Variants in RANGAP1 observed in about 807,000 individuals in gnomAD.
The protein encoded by RANGAP1 is Ran GTPase activating protein 1, also known as ran GTPase-activating protein 1.
RANGAP1 carries 38 observed loss-of-function variants against 63.5 expected under a neutral mutation model. The observed-to-expected ratio is 0.60, with a 90% CI of 0.46 to 0.78. The LOEUF is 0.78. RANGAP1 is among the 30% of genes least tolerant of loss of function. RANGAP1 has a pLI of 0.00. For synonymous variants in RANGAP1, 329 were observed against 310.5 expected, an observed-to-expected ratio of 1.06 and a Z score of -0.63; for missense variants, 630 against 740.3, an observed-to-expected ratio of 0.85 and a Z score of 1.73.
In RANGAP1 at chr22:41,257,012, C is replaced by A. The variant is rs2033883791; in HGVS notation, c.775-188G>T. Among the ~76,000 whole-genome samples the A allele has an allele frequency of 6.6e-6, 1 of 151,998 alleles. No homozygotes were observed. The highest frequency in any genetic ancestry group is 2.1e-4 in the South Asian group (1 of 4,820). ...CCCTGGCCAAACCTCCTCCACCCCTCCCCATGTTACGGCCAGAACTCTTCC... is the reference window on the plus strand; with the variant it reads ...CCCTGGCCAAACCTCCTCCACCCCTACCCATGTTACGGCCAGAACTCTTCC... On this transcript the variant is annotated intron_variant, in intron 7 of 15. Transcript: ENST00000356244. The surrounding 1 kb of genome is among the most constrained non-coding windows in gnomAD (Gnocchi z 4.0).
At chr22:41,294,342 G>A in the RANGAP1 span, among the ~76,000 whole-genome samples, 3 of 152,048 alleles carry the variant, frequency 2.0e-5, no homozygotes, top group Admixed American at 1.3e-4. Flanking sequence ...ACGGAGTCTC[G>A]TTCACTCAGT....
In RANGAP1 at chr22:41,284,496, G is replaced by A. The variant is rs542121452; in HGVS notation, c.-39+1490C>T. On this transcript the variant is annotated intron_variant, in intron 1 of 15. Transcript: ENST00000356244. Reference sequence around the variant, plus strand: ...GCAGGAGAATCGCTTGAATCTGGGAGGCAGATGTTGGGGTGAGCTGAGATC... The same window carrying A: ...GCAGGAGAATCGCTTGAATCTGGGAAGCAGATGTTGGGGTGAGCTGAGATC... 8.5e-5 allele frequency among the ~76,000 whole-genome samples: 13 copies of A among 152,236 alleles called. No homozygotes were observed. The South Asian group carries it at 2.1e-3, about 24-fold the overall frequency.
chr22:41,292,804 C>CT, the RANGAP1 span, among the ~76,000 whole-genome samples: 1 of 149,882 alleles, frequency 6.7e-6, no homozygotes. Flanking sequence ...TTTTTTTTTT[C>CT]TTTTTTAATG....
intron 6 of RANGAP1, 114 bp downstream of exon 6, chr22:41,261,332 C>T (rs972821911): frequency 3.2e-5 from 48 of 1,479,324 alleles, no homozygotes; most frequent in Non-Finnish European, 3.6e-5. Context: ...GGGCACGTGA[C>T]GCCCCAGGTC....
At chr22:41,268,225 T>C in intron 3 of RANGAP1, 69 bp from the exon 4 acceptor site, 3 of 1,294,124 alleles carry the variant, frequency 2.3e-6, no homozygotes, top group Non-Finnish European at 3.3e-6. Flanking sequence ...AGCCTCATCC[T>C]GGTGGATTTG....
chr22:41,267,708 C>T (rs1356600137), intron 4 of RANGAP1, among the ~76,000 whole-genome samples: 1 of 152,138 alleles, frequency 6.6e-6, no homozygotes, highest in Non-Finnish European at 1.5e-5. Context: ...GGGACGGCTA[C>T]ATGGGCTGTG....
chr22:41,290,101 G>A (rs749242084), upstream of RANGAP1, among the ~76,000 whole-genome samples: 1 of 149,982 alleles, frequency 6.7e-6, no homozygotes, highest in Non-Finnish European at 1.5e-5. Context: ...CCATGGTCAG[G>A]CCACTGCACT....
chr22:41,296,713 T>C, the RANGAP1 span, among the ~76,000 whole-genome samples: 1 of 151,132 alleles, frequency 6.6e-6, no homozygotes, highest in East Asian at 1.9e-4. Context: ...GTCCTTGCAG[T>C]GACCCTATAT....
chr22:41,273,422 T>C (rs2034949651), intron 3 of RANGAP1, among the ~76,000 whole-genome samples: 1 of 152,178 alleles, frequency 6.6e-6, no homozygotes, highest in Non-Finnish European at 1.5e-5. Flanking sequence ...TAGAATAACC[T>C]GACTTGCCCT....
rs375319250 is a variant in RANGAP1 at position 41,264,539 on chromosome 22, G to A, written c.480+125C>T. 542 of 1,235,622 alleles carry A rather than the reference G, an allele frequency of 4.4e-4. 9 individuals carry two copies. In the Middle Eastern group the frequency reaches 0.013, roughly 29 times the overall value. The allele number at this position is 1,235,622 out of a possible 1,614,324, so 76.5% of individuals were successfully genotyped here. On this transcript the variant is annotated intron_variant, in intron 5 of 15. Coordinates refer to ENST00000356244, the MANE Select transcript of RANGAP1 (RefSeq NM_002883.4). ...TCCGGCCACAGGCTGTTGCCTTTGA[G>A]GCCTTTCTCTTTTGAAAACAACGGC...
intron 2 of RANGAP1, among the ~76,000 whole-genome samples, 170 bp from the exon 3 acceptor site, chr22:41,274,897 T>G (rs2048113905): frequency 6.6e-6 from 1 of 152,094 alleles, no homozygotes; most frequent in Non-Finnish European, 1.5e-5. Context: ...TACAGAGCTA[T>G]GCAGATGATT....
At position 41,246,663 on chromosome 22, in the gene RANGAP1, GC is replaced by G. The variant is rs2033054961; in HGVS notation, c.1703del (p.Ser568ThrfsTer42). ...LLLAFVTKPN[S>X]ALESCSFARH... Reference sequence around the variant, plus strand: ...GGGCGAAGGAGCAGGATTCCAGGGCGCTGTTGGGCCTGCGGGGAAAGAGGGG... The same window carrying G: ...GGGCGAAGGAGCAGGATTCCAGGGCGTGTTGGGCCTGCGGGGAAAGAGGGG... On this transcript the variant is annotated frameshift_variant, in exon 16 of 16. Coordinates refer to ENST00000356244, the MANE Select transcript of RANGAP1 (RefSeq NM_002883.4). LOFTEE classifies it high-confidence loss of function. 6.4e-7 allele frequency: 1 copy of G among 1,563,190 alleles called. No individual in the cohort carries two copies. The highest frequency in any genetic ancestry group is 1.2e-5 in the South Asian group (1 of 84,868).
rs9623359 is a variant in RANGAP1 at position 41,251,213 on chromosome 22, G to A, written c.1381-104C>T. The A allele has an allele frequency of 0.012, 9,737 of 839,672 alleles. 637 individuals carry two copies. In the African/African-American group the frequency reaches 0.14, roughly 12 times the overall value. 52.0% of individuals were successfully genotyped at this position (839,672 alleles called of 1,614,324 possible). A position where few individuals can be genotyped will look rare whatever the true frequency, so the allele number is the denominator to read the frequency against. ...CCTGGGCAGTACAAAGGCCCCTGGCGGGCAAGAACAGGTCCTGCCTTACCC... is the reference window on the plus strand; with the variant it reads ...CCTGGGCAGTACAAAGGCCCCTGGCAGGCAAGAACAGGTCCTGCCTTACCC... On this transcript the variant is annotated intron_variant, in intron 12 of 15. Coordinates refer to ENST00000356244, the MANE Select transcript of RANGAP1 (RefSeq NM_002883.4).
intron 3 of RANGAP1, among the ~76,000 whole-genome samples, chr22:41,272,958 G>A (rs1025349819): frequency 6.6e-6 from 1 of 152,080 alleles, no homozygotes; most frequent in Non-Finnish European, 1.5e-5. Flanking sequence ...GACCATAGGT[G>A]CACACCACCA....
At chr22:41,252,762 C>A (rs752640575) in intron 12 of RANGAP1, 110 bp downstream of exon 12, 4 of 1,281,050 alleles carry the variant, frequency 3.1e-6, no homozygotes, top group African/African-American at 1.6e-5. Flanking sequence ...GCCTCCCTGC[C>A]CCCAGCTGAC....
chr22:41,283,520 T>C (rs78158123), intron 1 of RANGAP1, among the ~76,000 whole-genome samples: 6,433 of 151,196 alleles, frequency 0.043, 182 homozygotes, highest in Non-Finnish European at 0.064. Flanking sequence ...AACAAACAAA[T>C]AACAACAACA....
Position 41,257,374 on chromosome 22 carries a change from G to A in RANGAP1, c.775-550C>T, listed in dbSNP as rs920873355. ...AGCTTCCTTCCCTCCTTGAGCTAGG[G>A]TCTCCCTGAAGGCGGGGTCTTTGGC... On this transcript the variant is annotated intron_variant, in intron 7 of 15. Coordinates refer to ENST00000356244, the MANE Select transcript of RANGAP1 (RefSeq NM_002883.4). This position sits in a 1 kb window ranked among gnomAD's most constrained non-coding sequence, Gnocchi z 4.0. Among the ~76,000 whole-genome samples the A allele has an allele frequency of 6.6e-6, 1 of 152,142 alleles. No homozygotes were observed.
the RANGAP1 span, among the ~76,000 whole-genome samples, chr22:41,291,596 TA>T: frequency 4.7e-5 from 5 of 106,046 alleles, no homozygotes; most frequent in African/African-American, 7.6e-5. Context: ...AGATCCATCT[TA>T]AAAAAAAAAA....
chr22:41,262,332 G>A (rs1360854355), intron 5 of RANGAP1, among the ~76,000 whole-genome samples: 2 of 152,026 alleles, frequency 1.3e-5, no homozygotes, highest in Admixed American at 1.3e-4. Flanking sequence ...AAAGAATCAC[G>A]AGCGAGTGCA....
Sources: allele counts gnomAD v4.1 joint callset (sites outside exome capture counted in the v4.1 genomes callset), GRCh38; gene constraint gnomAD v4.1.1; non-coding constraint Gnocchi (gnomAD v3.1); transcripts MANE v1.5; gene names NCBI Gene and HGNC (gene_info 2026-07-23, HGNC 2026-07-21).